Variants in OPCML observed in about 807,000 individuals in gnomAD.
OPCML encodes opioid-binding protein/cell adhesion molecule.
OPCML carries 13 observed loss-of-function variants against 37.8 expected under a neutral mutation model. The observed-to-expected ratio is 0.34, with a 90% CI of 0.22 to 0.55. The LOEUF is 0.55. Ranked by LOEUF, OPCML falls within the 20% of genes least tolerant of loss-of-function variation. The pLI is 0.91. For missense variants in OPCML, 341 were observed against 435.6 expected (o/e 0.78, Z 1.93); for synonymous variants, 176 against 168.8 (o/e 1.04, Z -0.33).
At chr11:132,566,200 C>CCTTTT (rs1302248010) in intron 3 of OPCML, among the ~76,000 whole-genome samples, 4 of 152,160 alleles carry the variant, frequency 2.6e-5, no homozygotes, top group Non-Finnish European at 5.9e-5. Context: ...AAACTAAAAA[C>CCTTTT]CTTTTCTTTT....
At chr11:133,201,566 C>T (rs996771531) in intron 1 of OPCML, among the ~76,000 whole-genome samples, 3 of 152,130 alleles carry the variant, frequency 2.0e-5, no homozygotes, top group Non-Finnish European at 4.4e-5. Context: ...AAGAGGCTGA[C>T]ACCAGGAAGA....
chr11:132,615,783 A>G (rs1938968940), intron 3 of OPCML, among the ~76,000 whole-genome samples: 1 of 152,208 alleles, frequency 6.6e-6, no homozygotes, highest in Non-Finnish European at 1.5e-5. Context: ...CATAGCAGGA[A>G]CTCAATGAAT....
chr11:133,161,566 C>T (rs1425182916), intron 1 of OPCML, among the ~76,000 whole-genome samples: 1 of 152,106 alleles, frequency 6.6e-6, no homozygotes, highest in African/African-American at 2.4e-5. Context: ...ACAGAGGATC[C>T]CGAAGAGTTC....
intron 1 of OPCML, among the ~76,000 whole-genome samples, chr11:133,332,633 T>C (rs948274027): frequency 3.3e-5 from 5 of 152,170 alleles, no homozygotes; most frequent in African/African-American, 9.7e-5. Context: ...ACCTACTTTA[T>C]TGAAAGTTTT....
At chr11:133,109,862 A>G (rs1352029117) in intron 1 of OPCML, among the ~76,000 whole-genome samples, 1 of 152,196 alleles carries the variant, frequency 6.6e-6, no homozygotes, top group Non-Finnish European at 1.5e-5. Flanking sequence ...CCAACCGTCT[A>G]TTTTGCAGCT....
chr11:133,033,369 A>G (rs1947708236), intron 1 of OPCML, among the ~76,000 whole-genome samples: 1 of 152,216 alleles, frequency 6.6e-6, no homozygotes, highest in Non-Finnish European at 1.5e-5. Context: ...GCCATATTCA[A>G]GAAAAAGTAG....
intron 2 of OPCML, among the ~76,000 whole-genome samples, chr11:132,801,605 C>T (rs1157048935): frequency 2.0e-5 from 3 of 152,154 alleles, no homozygotes; most frequent in Non-Finnish European, 4.4e-5. Flanking sequence ...AATATTAGTA[C>T]TAAAAGAAAT....
intron 7 of OPCML, among the ~76,000 whole-genome samples, chr11:132,421,415 A>G (rs570953342): frequency 4.1e-4 from 63 of 152,318 alleles, no homozygotes; most frequent in Middle Eastern, 3.4e-3. Flanking sequence ...CCTACTGGAA[A>G]TAAGCTGAGG....
At position 133,206,128 on chromosome 11, in the gene OPCML, A is replaced by G. The variant is rs1939051287; in HGVS notation, c.62-263118T>C. On this transcript the variant is annotated intron_variant, in intron 1 of 7. Transcript: ENST00000524381. This position sits in a 1 kb window ranked among gnomAD's most constrained non-coding sequence, Gnocchi z 4.7. ...GTAAATCAGGGTGATGATATTGGCTATATTTTATAAGGCTGTTTCAAGGTT... is the reference window on the plus strand; with the variant it reads ...GTAAATCAGGGTGATGATATTGGCTGTATTTTATAAGGCTGTTTCAAGGTT... Among the ~76,000 whole-genome samples, 1 of 152,224 alleles carries G rather than the reference A, an allele frequency of 6.6e-6. No homozygotes were observed. Among genetic ancestry groups the G allele is most frequent in the Admixed American group, 6.5e-5 (1 of 15,284 alleles).
At chr11:133,314,426 C>T (rs1410473510) in intron 1 of OPCML, among the ~76,000 whole-genome samples, 2 of 151,780 alleles carry the variant, frequency 1.3e-5, no homozygotes, top group African/African-American at 4.8e-5. Context: ...TCTACATGTG[C>T]TTATACGAAA....
chr11:132,544,363 A>G (rs908901192), intron 3 of OPCML, among the ~76,000 whole-genome samples: 2 of 152,136 alleles, frequency 1.3e-5, no homozygotes, highest in African/African-American at 4.8e-5. Flanking sequence ...CATTCCCTTG[A>G]AAGGTGAGAC....
intron 1 of OPCML, among the ~76,000 whole-genome samples, chr11:133,413,086 G>A (rs1360797193): frequency 6.6e-6 from 1 of 152,080 alleles, no homozygotes; most frequent in Non-Finnish European, 1.5e-5. Flanking sequence ...ACCAGGACAC[G>A]GGACTGTAAG....
chr11:132,506,940 A>T lies in OPCML; in HGVS notation c.505+22121T>A, dbSNP rs542518910. ...AGGCTTCAGTTGGATTAAAAAAAAG[A>T]TAACAGAATATATTTCTGCTCTGTT... On this transcript the variant is annotated intron_variant, in intron 4 of 7. Coordinates refer to ENST00000524381, the MANE Select transcript of OPCML (RefSeq NM_001012393.5). Among the ~76,000 whole-genome samples the T allele has an allele frequency of 9.2e-5, 14 of 152,198 alleles. 1 individual carries two copies. In the South Asian group the frequency reaches 2.9e-3, roughly 32 times the overall value.
chr11:132,676,094 T>C (rs563144320), intron 2 of OPCML, among the ~76,000 whole-genome samples: 2 of 152,116 alleles, frequency 1.3e-5, no homozygotes, highest in African/African-American at 4.8e-5. Flanking sequence ...AAGATAAACA[T>C]ATAGATCAAT....
At chr11:133,070,569 C>T (rs561845812) in intron 1 of OPCML, among the ~76,000 whole-genome samples, 1 of 152,170 alleles carries the variant, frequency 6.6e-6, no homozygotes, top group Non-Finnish European at 1.5e-5. Flanking sequence ...CTTTCAGAGC[C>T]TATGAAGAGA....
chr11:132,428,821 T>C lies in OPCML; in HGVS notation c.916+7265A>G, dbSNP rs192752032. 1.7e-3 allele frequency among the ~76,000 whole-genome samples: 263 copies of C among 152,328 alleles called. 1 individual carries two copies. The highest frequency in any genetic ancestry group is 3.4e-3 in the Middle Eastern group (1 of 294). On this transcript the variant is annotated intron_variant, in intron 7 of 7. Coordinates refer to ENST00000524381, the MANE Select transcript of OPCML (RefSeq NM_001012393.5). ...TAACAATATCAATCTCAAAGTGTTC[T>C]TATGTGTCTAAAGCCATGTGTGGCT...
intron 2 of OPCML, among the ~76,000 whole-genome samples, chr11:132,759,455 T>C (rs1479926855): frequency 6.6e-6 from 1 of 152,196 alleles, no homozygotes; most frequent in Non-Finnish European, 1.5e-5. Context: ...TAGTAGGCTA[T>C]TAATTAGTGT....
At chr11:133,258,049 AG>A (rs1349646883) in intron 1 of OPCML, among the ~76,000 whole-genome samples, 1 of 152,210 alleles carries the variant, frequency 6.6e-6, no homozygotes, top group Non-Finnish European at 1.5e-5. Flanking sequence ...CAGGTGGCTC[AG>A]CATGGGCCCA....
Position 132,707,584 on chromosome 11 carries a change from C to A in OPCML, c.147-50265G>T, listed in dbSNP as rs565506095. Among the ~76,000 whole-genome samples the A allele has an allele frequency of 2.0e-5, 3 of 152,268 alleles. No individual in the cohort carries two copies. In the South Asian group the frequency reaches 6.2e-4, roughly 32 times the overall value. On this transcript the variant is annotated intron_variant, in intron 2 of 7. Coordinates refer to ENST00000524381, the MANE Select transcript of OPCML (RefSeq NM_001012393.5). ...TAGACACATTATTACATTATCCAGG[C>A]ACATGGCTGAGAAATGGTTCAAAGG...
Sources: gnomAD v4.1 joint callset for allele counts (sites outside exome capture counted in the v4.1 genomes callset) on GRCh38, gnomAD v4.1.1 for gene constraint, Gnocchi (gnomAD v3.1) non-coding constraint, MANE v1.5 for transcripts, NCBI Gene and HGNC (gene_info 2026-07-23, HGNC 2026-07-21) for gene names.